TEX9: variants seen among roughly 807,000 people sequenced by gnomAD.
TEX9 encodes the protein testis-expressed protein 9.
Under a neutral mutation model 59.6 loss-of-function variants are expected in TEX9, and 74 were observed. That is an observed-to-expected ratio of 1.24 (90% CI 1.03 to 1.51). The LOEUF (loss-of-function observed/expected upper bound fraction) is 1.51. Among genes scored for constraint, TEX9 ranks in the 40% most tolerant of loss-of-function variants. TEX9 has a pLI of 0.00. For synonymous variants in TEX9, 186 were observed against 152.2 expected (o/e 1.22, Z -1.64); for missense variants, 522 against 447.8 (o/e 1.17, Z -1.49).
At position 56,387,056 on chromosome 15, in the gene TEX9, A is replaced by C. The variant is rs148633329; in HGVS notation, c.264-1416A>C. Among the ~76,000 whole-genome samples, 859 of 152,126 alleles carry C rather than the reference A, an allele frequency of 5.6e-3. 5 individuals carry two copies. Among genetic ancestry groups the C allele is most frequent in the Non-Finnish European group, 8.5e-3 (577 of 67,916 alleles). On this transcript the variant is annotated intron_variant, in intron 4 of 12. Transcript: ENST00000352903. ...GGAAACCAGAGTTTAATTTCCTAAT[A>C]ACGTAGTATACGTATCCTCCAGTCT...
intron 12 of TEX9, among the ~76,000 whole-genome samples, chr15:56,442,269 C>T (rs1163187244): frequency 6.6e-6 from 1 of 152,088 alleles, no homozygotes; most frequent in Non-Finnish European, 1.5e-5. Flanking sequence ...AATGCTTATA[C>T]ACTGTTGGTG....
At chr15:56,399,363 C>T (rs572621610) in intron 9 of TEX9, among the ~76,000 whole-genome samples, 81 of 152,360 alleles carry the variant, frequency 5.3e-4, no homozygotes, top group Non-Finnish European at 5.7e-4. Context: ...ACTGCTAGTG[C>T]AGCAGTCTGA....
chr15:56,443,661 TCTC>T (rs1421267374), intron 12 of TEX9: 7 of 1,613,062 alleles, frequency 4.3e-6, no homozygotes, highest in South Asian at 2.2e-5. Context: ...TGTAGCCTTT[TCTC>T]CTCATTTTCT....
chr15:56,348,431 G>A (rs1454116446), intron 1 of TEX9, among the ~76,000 whole-genome samples: 5 of 152,020 alleles, frequency 3.3e-5, no homozygotes, highest in African/African-American at 4.8e-5. Flanking sequence ...TAGTATAAGT[G>A]ACCTGATGAA....
chr15:56,413,060 G>A (rs1293206091), intron 10 of TEX9, among the ~76,000 whole-genome samples: 1 of 151,868 alleles, frequency 6.6e-6, no homozygotes, highest in Non-Finnish European at 1.5e-5. Context: ...ATAAATGAAA[G>A]TTCAAATACC....
chr15:56,288,609 C>G (rs578219941), intron 1 of TEX9, among the ~76,000 whole-genome samples: 3 of 150,486 alleles, frequency 2.0e-5, no homozygotes, highest in African/African-American at 7.3e-5. Flanking sequence ...CCATTGCTAG[C>G]CTTTTCAGAA....
intron 3 of TEX9, among the ~76,000 whole-genome samples, chr15:56,373,875 A>G (rs926810423): frequency 2.6e-5 from 4 of 152,034 alleles, no homozygotes; most frequent in South Asian, 4.1e-4. Context: ...TATCCTCCCT[A>G]TGCCCCAAAA....
intron 9 of TEX9, among the ~76,000 whole-genome samples, chr15:56,410,644 C>A (rs1374415973): frequency 6.6e-6 from 1 of 152,098 alleles, no homozygotes; most frequent in Non-Finnish European, 1.5e-5. Context: ...TTTTCCCCCA[C>A]ACCTCCCAAG....
intron 12 of TEX9, chr15:56,443,711 T>G (rs2050858001): frequency 1.9e-6 from 3 of 1,613,514 alleles, no homozygotes; most frequent in Non-Finnish European, 2.5e-6. Context: ...TCTTTGCTGC[T>G]GCATGTTAGC....
intron 12 of TEX9, chr15:56,428,723 C>T (rs2050449682): frequency 5.7e-6 from 2 of 353,902 alleles, no homozygotes. Flanking sequence ...AAAAAAGATG[C>T]TTTAAAAGAA....
chr15:56,328,638 C>G (rs571780153), intron 1 of TEX9, among the ~76,000 whole-genome samples: 2 of 152,274 alleles, frequency 1.3e-5, no homozygotes, highest in African/African-American at 4.8e-5. Context: ...TTGGCAGTAG[C>G]CTGGCAGTAA....
intron 1 of TEX9, among the ~76,000 whole-genome samples, chr15:56,315,755 TG>T (rs1280783724): frequency 2.7e-5 from 4 of 147,246 alleles, no homozygotes; most frequent in African/African-American, 7.4e-5. Flanking sequence ...TTTTCCAACT[TG>T]GTTCCATTCT....
chr15:56,376,232 TAAAA>T (rs1161142648), intron 3 of TEX9, among the ~76,000 whole-genome samples: 2 of 151,880 alleles, frequency 1.3e-5, no homozygotes, highest in South Asian at 4.2e-4. Context: ...AATAATAAAA[TAAAA>T]AAAAGATATA....
chr15:56,444,082 C>T (rs1181725098), intron 12 of TEX9, among the ~76,000 whole-genome samples: 5 of 152,004 alleles, frequency 3.3e-5, no homozygotes, highest in Admixed American at 2.0e-4. Flanking sequence ...TTTTATGCAT[C>T]TTATTTCATA....
chr15:56,454,962 G>A, the TEX9 span, among the ~76,000 whole-genome samples: 7 of 152,094 alleles, frequency 4.6e-5, no homozygotes, highest in Admixed American at 3.9e-4. Flanking sequence ...GTAGAACGCT[G>A]TTGAACATAC....
intron 1 of TEX9, chr15:56,323,248 C>A: frequency 4.6e-6 from 1 of 217,238 alleles, no homozygotes; most frequent in South Asian, 8.1e-5. Context: ...AAGAAGTGCT[C>A]AGAGTAGTGG....
chr15:56,284,382 G>T (rs1439130110), intron 1 of TEX9, among the ~76,000 whole-genome samples: 1 of 152,028 alleles, frequency 6.6e-6, no homozygotes, highest in Non-Finnish European at 1.5e-5. Flanking sequence ...TCCTTTCAAA[G>T]GGTGTGCAGC....
intron 1 of TEX9, among the ~76,000 whole-genome samples, chr15:56,312,022 T>G (rs1358105668): frequency 6.6e-6 from 1 of 151,924 alleles, no homozygotes; most frequent in African/African-American, 2.4e-5. Context: ...TTGTTTGAGT[T>G]CACTATAGAT....
At chr15:56,426,626 T>TATATATATATAC (rs1214988827) in intron 10 of TEX9, among the ~76,000 whole-genome samples, 38 of 47,166 alleles carry the variant, frequency 8.1e-4, no homozygotes, top group Non-Finnish European at 1.1e-3. Context: ...TATATATATA[T>TATATATATATAC]ACACACACAC....
Sources: allele counts gnomAD v4.1 joint callset (sites outside exome capture counted in the v4.1 genomes callset), GRCh38; gene constraint gnomAD v4.1.1; transcripts MANE v1.5; gene names NCBI Gene and HGNC (gene_info 2026-07-23, HGNC 2026-07-21).